Variants in NRXN1 observed in about 807,000 individuals in gnomAD.
NRXN1 encodes neurexin-1.
A neutral mutation model predicts 150.9 loss-of-function variants in NRXN1; 39 were observed. That is an observed-to-expected ratio of 0.26 (90% CI 0.20 to 0.34). The LOEUF is 0.34. Among genes scored for constraint, NRXN1 ranks in the 10% least tolerant of loss-of-function variants. The pLI is 1.00. For missense variants in NRXN1, 1,815 were observed against 1,949.9 expected, an observed-to-expected ratio of 0.93 and a Z score of 1.30; for synonymous variants, 924 against 757.0, an observed-to-expected ratio of 1.22 and a Z score of -3.62.
At chr2:50,487,854 T>C (rs1015469381) in intron 15 of NRXN1, among the ~76,000 whole-genome samples, 7 of 152,192 alleles carry the variant, frequency 4.6e-5, no homozygotes, top group African/African-American at 1.7e-4. Context: ...GACCCTCGCA[T>C]CTGCACAGAA....
chr2:50,653,976 C>CTTTT (rs35931647), intron 5 of NRXN1, among the ~76,000 whole-genome samples: 2 of 127,410 alleles, frequency 1.6e-5, no homozygotes, highest in Non-Finnish European at 3.3e-5. Context: ...GCCTTTTCAT[C>CTTTT]TTTTTTTTTT....
chr2:50,173,655 A>G (rs1451082262), intron 18 of NRXN1, among the ~76,000 whole-genome samples: 2 of 152,198 alleles, frequency 1.3e-5, no homozygotes, highest in African/African-American at 4.8e-5. Context: ...TTATGTTAGC[A>G]TATCTCCAAG....
intron 17 of NRXN1, among the ~76,000 whole-genome samples, chr2:50,246,728 C>G (rs1275509935): frequency 1.9e-5 from 1 of 53,010 alleles, no homozygotes; most frequent in Non-Finnish European, 4.4e-5. Context: ...GGCTTCTCTG[C>G]TGCACCTTGA....
intron 2 of NRXN1, among the ~76,000 whole-genome samples, chr2:50,965,255 C>A (rs1280125782): frequency 6.6e-6 from 1 of 151,288 alleles, no homozygotes; most frequent in East Asian, 1.9e-4. Context: ...AAGGAGATTT[C>A]AAGCTCTTGG....
intron 5 of NRXN1, among the ~76,000 whole-genome samples, chr2:50,782,698 G>C (rs1234151523): frequency 6.6e-6 from 1 of 152,130 alleles, no homozygotes; most frequent in Admixed American, 6.6e-5. Context: ...AAATATTTGT[G>C]GGGGGCAGCA....
rs1573403422 is a variant in NRXN1, at chr2:50,013,104, C to A, written c.4128+40167G>T. ...CCCTCTACTAACAGTCACTCAAGAT[C>A]ATGATTTAATCATTTCATGTCCAAT... On this transcript the variant is annotated intron_variant, in intron 21 of 22. Coordinates refer to ENST00000401669, the MANE Select transcript of NRXN1 (RefSeq NM_001330078.2). 2.6e-5 allele frequency among the ~76,000 whole-genome samples: 4 copies of A among 152,052 alleles called. No individual in the cohort carries two copies. In the South Asian group the frequency reaches 8.3e-4, roughly 31 times the overall value.
intron 5 of NRXN1, among the ~76,000 whole-genome samples, chr2:50,743,315 G>C (rs1228627918): frequency 1.3e-5 from 2 of 152,134 alleles, no homozygotes; most frequent in African/African-American, 4.8e-5. Context: ...AAATTTTAAA[G>C]TGGGTATGCT....
At chr2:50,581,326 A>C (rs975614653) in intron 8 of NRXN1, among the ~76,000 whole-genome samples, 1 of 152,186 alleles carries the variant, frequency 6.6e-6, no homozygotes, top group Non-Finnish European at 1.5e-5. Context: ...ATGCATGCCA[A>C]AACCCTAATA....
At chr2:50,226,453 A>T (rs766976463) in intron 18 of NRXN1, among the ~76,000 whole-genome samples, 1 of 152,056 alleles carries the variant, frequency 6.6e-6, no homozygotes, top group South Asian at 2.1e-4. Flanking sequence ...AGTGCTTTGG[A>T]AAGTGCTTAG....
intron 2 of NRXN1, among the ~76,000 whole-genome samples, chr2:50,972,129 TA>T (rs1695103626): frequency 6.6e-6 from 1 of 152,132 alleles, no homozygotes; most frequent in Admixed American, 6.6e-5. Flanking sequence ...GAATTCTTAT[TA>T]GGAATTATTA....
intron 2 of NRXN1, among the ~76,000 whole-genome samples, chr2:50,978,962 C>G (rs1306861357): frequency 6.6e-6 from 1 of 152,000 alleles, no homozygotes; most frequent in Non-Finnish European, 1.5e-5. Context: ...TCATAGGATG[C>G]TGTAATTTTC....
At chr2:50,874,718 C>T (rs894433155) in intron 5 of NRXN1, among the ~76,000 whole-genome samples, 1 of 151,674 alleles carries the variant, frequency 6.6e-6, no homozygotes, top group African/African-American at 2.4e-5. Flanking sequence ...ACACAATTAA[C>T]AGAAAAAAGT....
intron 21 of NRXN1, among the ~76,000 whole-genome samples, chr2:50,045,830 G>T (rs1031439232): frequency 6.6e-6 from 1 of 151,972 alleles, no homozygotes; most frequent in South Asian, 2.1e-4. Flanking sequence ...GTATCGACTA[G>T]GTACACAGAC....
At chr2:50,833,871 T>G (rs974850831) in intron 5 of NRXN1, among the ~76,000 whole-genome samples, 1 of 152,224 alleles carries the variant, frequency 6.6e-6, no homozygotes, top group Non-Finnish European at 1.5e-5. Context: ...GTCAGTATTC[T>G]TTTGTATTTT....
At chr2:50,592,075 G>A (rs930113781) in intron 8 of NRXN1, among the ~76,000 whole-genome samples, 3 of 152,212 alleles carry the variant, frequency 2.0e-5, no homozygotes, top group Non-Finnish European at 4.4e-5. Flanking sequence ...ATCACCTACT[G>A]TGTGTCAGTC....
At chr2:50,176,520 G>A (rs2060363203) in intron 18 of NRXN1, among the ~76,000 whole-genome samples, 1 of 152,060 alleles carries the variant, frequency 6.6e-6, no homozygotes, top group Non-Finnish European at 1.5e-5. Context: ...AACCAAAAAT[G>A]TCTTCAGACA....
In NRXN1 at chr2:50,437,331, C is replaced by T. The variant is rs531531749; in HGVS notation, c.3364+28111G>A. Reference sequence around the variant, plus strand: ...CCAAGATTTTTCTACTCTCTACCTACCTCTACTGCCAATAACCTTATAGGA... The same window carrying T: ...CCAAGATTTTTCTACTCTCTACCTATCTCTACTGCCAATAACCTTATAGGA... On this transcript the variant is annotated intron_variant, in intron 17 of 22. Transcript: ENST00000401669. Among the ~76,000 whole-genome samples the T allele has an allele frequency of 2.0e-4, 31 of 152,286 alleles. No homozygotes were observed. In the Middle Eastern group the frequency reaches 0.01, roughly 50 times the overall value.
chr2:50,268,010 C>T (rs1305038067), intron 17 of NRXN1, among the ~76,000 whole-genome samples: 1 of 151,850 alleles, frequency 6.6e-6, no homozygotes. Flanking sequence ...GGTAACATGG[C>T]GAAACCTCGT....
At chr2:50,368,991 C>T (rs1030754650) in intron 17 of NRXN1, among the ~76,000 whole-genome samples, 1 of 151,838 alleles carries the variant, frequency 6.6e-6, no homozygotes, top group African/African-American at 2.4e-5. Flanking sequence ...GCCAAGAAAA[C>T]AGAGTAAATT....
Sources: gnomAD v4.1 joint callset for allele counts (sites outside exome capture counted in the v4.1 genomes callset) on GRCh38, gnomAD v4.1.1 for gene constraint, MANE v1.5 for transcripts, NCBI Gene and HGNC (gene_info 2026-07-23, HGNC 2026-07-21) for gene names.